The following GRK4 variants were observed in gnomAD, a reference collection of about 807,000 sequenced individuals.
The protein encoded by GRK4 is G protein-coupled receptor kinase 4.
Under a neutral mutation model 77.9 loss-of-function variants are expected in GRK4, and 73 were observed. The observed-to-expected ratio is 0.94, with a 90% CI of 0.78 to 1.14. The LOEUF (loss-of-function observed/expected upper bound fraction) is 1.14, where lower values mean the gene tolerates loss of function less well. Among genes scored for constraint, GRK4 ranks in the 50% most tolerant of loss-of-function variants. The probability of loss-of-function intolerance (pLI) is 0.00; values close to 1 mark genes in which losing one functional copy is unlikely to be tolerated. For missense variants in GRK4, 729 were observed against 700.2 expected (o/e 1.04, Z -0.46); for synonymous variants, 257 against 254.4 (o/e 1.01, Z -0.10).
At chr4:2,970,299 T>C (rs1384395728) in intron 1 of GRK4, among the ~76,000 whole-genome samples, 1 of 152,162 alleles carries the variant, frequency 6.6e-6, no homozygotes, top group Admixed American at 6.5e-5. Context: ...GGTCAGTGAA[T>C]CAAATATTGG....
At chr4:3,004,160 G>T in intron 4 of GRK4, 71 bp from the exon 5 acceptor site, 1 of 1,078,388 alleles carries the variant, frequency 9.3e-7, no homozygotes. Flanking sequence ...TTTACAATAA[G>T]CATTAGGTTC....
intron 5 of GRK4, among the ~76,000 whole-genome samples, chr4:3,007,203 A>G (rs1392306810): frequency 6.6e-6 from 1 of 152,206 alleles, no homozygotes; most frequent in African/African-American, 2.4e-5. Flanking sequence ...CCCTGTCTCT[A>G]AACAACAACA....
rs993624643 is a variant in GRK4 at position 3,007,679 on chromosome 4, C to T, written c.444-57C>T. On this transcript the variant is annotated intron_variant, in intron 5 of 15. Transcript: ENST00000398052. ...GTGCCTATTAATGCACTAAAACACACTTGTTTTTATTTCTTAATACAACAA... is the reference window on the plus strand; with the variant it reads ...GTGCCTATTAATGCACTAAAACACATTTGTTTTTATTTCTTAATACAACAA... 1.2e-5 allele frequency: 13 copies of T among 1,104,232 alleles called. No homozygotes were observed. In the Admixed American group the frequency reaches 2.9e-4, roughly 25 times the overall value. The allele number at this position is 1,104,232 out of a possible 1,614,324, so 68.4% of individuals were successfully genotyped here.
intron 1 of GRK4, among the ~76,000 whole-genome samples, chr4:2,975,289 C>G (rs3021142): frequency 0.37 from 56,867 of 152,010 alleles, 11,237 homozygotes; most frequent in African/African-American, 0.47. Flanking sequence ...GCCACAGAGC[C>G]AGACTCTGTC....
At chr4:3,005,432 C>T (rs977718592) in intron 5 of GRK4, among the ~76,000 whole-genome samples, 5 of 151,864 alleles carry the variant, frequency 3.3e-5, no homozygotes, top group African/African-American at 4.8e-5. Flanking sequence ...CAGGGAGTGG[C>T]GCACCTGAGC....
chr4:3,038,483 A>C lies in GRK4; in HGVS notation c.1653A>C (p.Arg551Ser). Residue 551 changes from arginine (R) to serine (S), a missense_variant, in exon 15 of 16, where the codon AGA (arginine) becomes AGC (serine). Physicochemically the swap from Arg to Ser is moderately radical, Grantham distance 110. Transcript: ENST00000398052. ...NIHTPVSRPN[R>S]GFFYRLFRRG... ...ATACCCCGGTTTCCAGACCAAACAG[A>C]GGCTTCTTCTATAGACTCTTCAGAA... 1 of 1,613,936 alleles carries C rather than the reference A, an allele frequency of 6.2e-7. No individual in the cohort carries two copies. The highest frequency in any genetic ancestry group is 8.5e-7 in the Non-Finnish European group (1 of 1,179,984).
intron 1 of GRK4, chr4:2,966,187 G>T (rs1294311054): frequency 6.6e-6 from 1 of 152,408 alleles, no homozygotes; most frequent in African/African-American, 2.4e-5. Context: ...GCCGAGGCGG[G>T]CGGATCACAA....
intron 5 of GRK4, among the ~76,000 whole-genome samples, chr4:3,006,765 C>G (rs1409311558): frequency 6.7e-6 from 1 of 149,720 alleles, no homozygotes; most frequent in Non-Finnish European, 1.5e-5. Flanking sequence ...AGAGCCAGAC[C>G]AAAAAAAAAG....
At chr4:2,971,711 C>G (rs1719596644) in intron 1 of GRK4, among the ~76,000 whole-genome samples, 2 of 152,298 alleles carry the variant, frequency 1.3e-5, no homozygotes, top group South Asian at 4.1e-4. Flanking sequence ...AGTGCAAAAT[C>G]AAGTTGTGAG....
chr4:2,986,231 A>G (rs1384087525), intron 2 of GRK4, among the ~76,000 whole-genome samples: 1 of 150,866 alleles, frequency 6.6e-6, no homozygotes, highest in Non-Finnish European at 1.5e-5. Flanking sequence ...CTAAACTGCA[A>G]TTTGAAAAAT....
At chr4:2,985,681 AG>A in intron 2 of GRK4, 1 of 249,848 alleles carries the variant, frequency 4.0e-6, no homozygotes, top group South Asian at 3.5e-5. Flanking sequence ...AGTTAGCTAC[AG>A]GTCCTAACAT....
chr4:3,037,351 C>T, intron 13 of GRK4, 23 bp from the exon 14 acceptor site: 2 of 1,562,910 alleles, frequency 1.3e-6, no homozygotes, highest in East Asian at 2.3e-5. Context: ...ATCTCAGAGG[C>T]TGCCCCTGTT....
rs549700345 is a variant in GRK4, at chr4:3,037,897, A to G, written c.1545+386A>G. Among the ~76,000 whole-genome samples, 6 of 151,604 alleles carry G rather than the reference A, an allele frequency of 4.0e-5. No individual in the cohort carries two copies. In the East Asian group the frequency reaches 1.2e-3, roughly 29 times the overall value. ...GCCACTGTACTCCACCTTGGGCGAC[A>G]GAACGAGACTTCGTCTCACCCAAAA... On this transcript the variant is annotated intron_variant, in intron 14 of 15. Transcript: ENST00000398052.
chr4:3,034,584 C>A (rs184954799), intron 12 of GRK4, among the ~76,000 whole-genome samples: 2 of 151,928 alleles, frequency 1.3e-5, no homozygotes, highest in Admixed American at 1.3e-4. Flanking sequence ...ATGAGAATTG[C>A]GGAGGAAGGC....
At chr4:2,968,835 G>C (rs1224958337) in intron 1 of GRK4, among the ~76,000 whole-genome samples, 1 of 152,168 alleles carries the variant, frequency 6.6e-6, no homozygotes, top group African/African-American at 2.4e-5. Flanking sequence ...CTGTGACAGA[G>C]CAGGTATCTT....
At chr4:2,977,999 T>C (rs115303532) in intron 1 of GRK4, among the ~76,000 whole-genome samples, 137 of 152,344 alleles carry the variant, frequency 9.0e-4, no homozygotes, top group African/African-American at 3.2e-3. Flanking sequence ...ATGAAGTTCA[T>C]TTTGCCTATT....
chr4:3,010,375 C>T (rs1391942172), intron 7 of GRK4, among the ~76,000 whole-genome samples: 1 of 152,058 alleles, frequency 6.6e-6, no homozygotes, highest in East Asian at 1.9e-4. Flanking sequence ...TACAGGCATG[C>T]GCCACCACAC....
chr4:2,971,977 C>T (rs1463033299), intron 1 of GRK4, among the ~76,000 whole-genome samples: 1 of 152,228 alleles, frequency 6.6e-6, no homozygotes, highest in Non-Finnish European at 1.5e-5. Context: ...TATAAATACC[C>T]TATCTCCAAA....
intron 8 of GRK4, among the ~76,000 whole-genome samples, chr4:3,019,091 C>G (rs1243420062): frequency 6.6e-6 from 1 of 151,938 alleles, no homozygotes; most frequent in East Asian, 1.9e-4. Flanking sequence ...GGAAAATAGA[C>G]TAGGCATTTC....
Sources: allele counts gnomAD v4.1 joint callset (sites outside exome capture counted in the v4.1 genomes callset), GRCh38; gene constraint gnomAD v4.1.1; transcripts MANE v1.5; gene names NCBI Gene and HGNC (gene_info 2026-07-23, HGNC 2026-07-21).